The following MDH1 variants were observed in gnomAD, a reference collection of about 807,000 sequenced individuals.
The protein encoded by MDH1 is malate dehydrogenase 1.
MDH1 carries 15 observed loss-of-function variants against 38.7 expected under a neutral mutation model. The observed-to-expected ratio is 0.39, with a 90% CI of 0.26 to 0.60. The LOEUF (loss-of-function observed/expected upper bound fraction) is 0.60. Among genes scored for constraint, MDH1 ranks in the 20% least tolerant of loss-of-function variants. The pLI, the probability that MDH1 is intolerant of heterozygous loss-of-function variation, is 0.56. For missense variants in MDH1, 368 were observed against 405.2 expected (o/e 0.91, Z 0.79); for synonymous variants, 144 against 143.6 (o/e 1.00, Z -0.02).
At chr2:63,600,265 C>A (rs981452522) in intron 5 of MDH1, among the ~76,000 whole-genome samples, 21 of 152,318 alleles carry the variant, frequency 1.4e-4, no homozygotes, top group Non-Finnish European at 2.6e-4. Context: ...GAATGCTATA[C>A]ATGTAATTTT....
At position 63,588,975 on chromosome 2, in the gene MDH1, C is replaced by A; in HGVS notation, c.-69C>A. The A allele has an allele frequency of 1.2e-6, 2 of 1,611,348 alleles. No individual in the cohort carries two copies. Among genetic ancestry groups the A allele is most frequent in the South Asian group, 2.2e-5 (2 of 91,032 alleles). On this transcript the variant is annotated 5_prime_UTR_variant, in exon 1 of 9. Transcript: ENST00000233114. ...GCTCGCCCTCTCCGAGTCAGTTCCGCGGTAGAGGTGACCTGACTCTCTGAG... is the reference window on the plus strand; with the variant it reads ...GCTCGCCCTCTCCGAGTCAGTTCCGAGGTAGAGGTGACCTGACTCTCTGAG...
At position 63,607,046 on chromosome 2, in the gene MDH1, T is replaced by G. The variant is rs1709547067; in HGVS notation, c.*59T>G. On this transcript the variant is annotated 3_prime_UTR_variant, in exon 9 of 9. Coordinates refer to ENST00000233114, the MANE Select transcript of MDH1 (RefSeq NM_005917.4). ...GAAGAATCTAAATGTCGTCTTTGAC[T>G]CAAGTACCAAATAATAATAATGCTA... The G allele has an allele frequency of 3.9e-5, 58 of 1,490,074 alleles. No homozygotes were observed. Among genetic ancestry groups the G allele is most frequent in the Non-Finnish European group, 5.1e-5 (56 of 1,098,570 alleles). 92.3% of individuals were successfully genotyped at this position (1,490,074 alleles called of 1,614,324 possible).
At chr2:63,589,246 G>C in intron 1 of MDH1, 200 bp downstream of exon 1, 4 of 1,553,944 alleles carry the variant, frequency 2.6e-6, no homozygotes, top group Non-Finnish European at 3.5e-6. Context: ...GCGGGGTATG[G>C]GGCGCTCTTA....
In MDH1 at chr2:63,605,927, T is replaced by C; in HGVS notation, c.790-12T>C. ...TAATCATCATGAGTATGTGAAACAT[T>C]GTTATTTTCAGGGAGAGTTTGTGTC... On this transcript the variant is annotated splice_polypyrimidine_tract_variant and intron_variant, in intron 7 of 8. Transcript: ENST00000233114. 1 of 1,608,276 alleles carries C rather than the reference T, an allele frequency of 6.2e-7. No individual in the cohort carries two copies. Among genetic ancestry groups the C allele is most frequent in the East Asian group, 2.2e-5 (1 of 44,838 alleles).
intron 1 of MDH1, chr2:63,594,267 A>T: frequency 1.6e-6 from 1 of 639,648 alleles, no homozygotes; most frequent in African/African-American, 1.8e-5. Context: ...AGATTATGTA[A>T]GTAAATCCAG....
chr2:63,593,609 T>C, intron 1 of MDH1: 1 of 471,710 alleles, frequency 2.1e-6, no homozygotes, highest in South Asian at 1.5e-5. Flanking sequence ...GTCACATCAG[T>C]GGACCATTTC....
chr2:63,605,161 T>C, intron 6 of MDH1, 119 bp from the exon 7 acceptor site: 1 of 701,098 alleles, frequency 1.4e-6, no homozygotes. Context: ...TTGCATGATT[T>C]TGGAGGGGAA....
At chr2:63,599,469 T>C in intron 5 of MDH1, 177 bp downstream of exon 5, 1 of 549,132 alleles carries the variant, frequency 1.8e-6, no homozygotes, top group Non-Finnish European at 2.9e-6. Context: ...TCTTTAAATG[T>C]ATTCTCTTAA....
Position 63,588,980 on chromosome 2 carries a change from G to A in MDH1, c.-64G>A. ...CCCTCTCCGAGTCAGTTCCGCGGTA[G>A]AGGTGACCTGACTCTCTGAGGCTCA... On this transcript the variant is annotated 5_prime_UTR_variant, in exon 1 of 9. Coordinates refer to ENST00000233114, the MANE Select transcript of MDH1 (RefSeq NM_005917.4). The A allele has an allele frequency of 6.2e-7, 1 of 1,612,626 alleles. No individual in the cohort carries two copies. Among genetic ancestry groups the A allele is most frequent in the Non-Finnish European group, 8.5e-7 (1 of 1,178,656 alleles).
At chr2:63,603,703 G>T (rs1429898019) in intron 5 of MDH1, among the ~76,000 whole-genome samples, 3 of 129,330 alleles carry the variant, frequency 2.3e-5, no homozygotes, top group Admixed American at 9.7e-5. Context: ...CATCGCCCAT[G>T]CTGGAGTGCA....
chr2:63,593,664 C>G (rs760441871), intron 1 of MDH1: 1 of 471,552 alleles, frequency 2.1e-6, no homozygotes, highest in Non-Finnish European at 4.4e-6. Flanking sequence ...TACATTTACC[C>G]AGCATTATCG....
intron 4 of MDH1, chr2:63,597,989 T>C (rs1709350395): frequency 6.5e-6 from 1 of 152,854 alleles, no homozygotes; most frequent in Admixed American, 6.5e-5. Flanking sequence ...TCAGATTTTC[T>C]TAATGCAGAG....
chr2:63,601,173 T>C (rs1307122636), intron 5 of MDH1, among the ~76,000 whole-genome samples: 2 of 152,240 alleles, frequency 1.3e-5, no homozygotes, highest in East Asian at 1.9e-4. Flanking sequence ...AGCATGTCAA[T>C]CTGGCATAGT....
At chr2:63,601,638 T>A (rs1709420616) in intron 5 of MDH1, among the ~76,000 whole-genome samples, 1 of 152,178 alleles carries the variant, frequency 6.6e-6, no homozygotes, top group South Asian at 2.1e-4. Flanking sequence ...TACCTGGCCT[T>A]TGCTGTCCAG....
rs1491334836 is a variant in MDH1, at chr2:63,589,439, C to CATAA, written c.3+394_3+395insTAAA. The CATAA allele has an allele frequency of 7.3e-6, 11 of 1,509,058 alleles. No homozygotes were observed. The South Asian group carries it at 1.3e-4, about 18-fold the overall frequency. The allele number at this position is 1,509,058 out of a possible 1,614,324, so 93.5% of individuals were successfully genotyped here. A position where few individuals can be genotyped will look rare whatever the true frequency, so the allele number is the denominator to read the frequency against. On this transcript the variant is annotated intron_variant, in intron 1 of 8. Coordinates refer to ENST00000233114, the MANE Select transcript of MDH1 (RefSeq NM_005917.4). ...TAACCCCTTTTTCTCCTCATTTGCCCACAGTGTTTATAACGGCTTTTGTCA... is the reference window on the plus strand; with the variant it reads ...TAACCCCTTTTTCTCCTCATTTGCCCATAAACAGTGTTTATAACGGCTTTTGTCA...
intron 1 of MDH1, among the ~76,000 whole-genome samples, chr2:63,593,896 T>C (rs1286729615): frequency 1.3e-5 from 2 of 152,252 alleles, no homozygotes; most frequent in African/African-American, 4.8e-5. Context: ...TCTGTTTGTA[T>C]GTCTTCCCTC....
rs1462620117 is a variant in MDH1, at chr2:63,589,034, G to C, written c.-10G>C. 2 of 1,614,238 alleles carry C rather than the reference G, an allele frequency of 1.2e-6. No homozygotes were observed. Among genetic ancestry groups the C allele is most frequent in the South Asian group, 2.2e-5 (2 of 91,088 alleles). On this transcript the variant is annotated 5_prime_UTR_variant, in exon 1 of 9. Coordinates refer to ENST00000233114, the MANE Select transcript of MDH1 (RefSeq NM_005917.4). ...TGCAGTTGTTGAAATTGTCCCCGCA[G>C]TTTTCAATCATGGTGAGTGTGGGCC...
intron 1 of MDH1, 170 bp from the exon 2 acceptor site, chr2:63,594,318 C>T (rs1709260379): frequency 5.5e-6 from 4 of 723,050 alleles, no homozygotes; most frequent in Non-Finnish European, 1.0e-5. Flanking sequence ...AGTTAAATAA[C>T]ACCACGTAAA....
At position 63,594,584 on chromosome 2, in the gene MDH1, C is replaced by T; in HGVS notation, c.100C>T (p.Gln34Ter). 1 of 1,590,760 alleles carries T rather than the reference C, an allele frequency of 6.3e-7. No individual in the cohort carries two copies. Among genetic ancestry groups the T allele is most frequent in the Non-Finnish European group, 8.6e-7 (1 of 1,159,426 alleles). Residue 34 changes from glutamine (Q) to a stop codon, truncating the protein, a stop_gained and splice_region_variant, in exon 2 of 9, where the codon CAG becomes TAG. Transcript: ENST00000233114. LOFTEE classifies it high-confidence loss of function. ...AAATGGATCTGTCTTTGGTAAAGATCAGGTAGGAACAGGTGTCTATAAATC... is the reference window on the plus strand; with the variant it reads ...AAATGGATCTGTCTTTGGTAAAGATTAGGTAGGAACAGGTGTCTATAAATC... ...IGNGSVFGKD[Q>*]PIILVLLDIT...
Sources: allele counts gnomAD v4.1 joint callset (sites outside exome capture counted in the v4.1 genomes callset), GRCh38; gene constraint gnomAD v4.1.1; transcripts MANE v1.5; gene names NCBI Gene and HGNC (gene_info 2026-07-23, HGNC 2026-07-21).